Variants in RAET1G observed in about 807,000 individuals in gnomAD.
The protein encoded by RAET1G is retinoic acid early transcript 1G, also known as UL-16 binding protein 5.
In RAET1G, 25 loss-of-function variants were observed where a neutral mutation model predicts 29.5. The observed-to-expected ratio is 0.85, with a 90% CI of 0.62 to 1.18. The LOEUF (loss-of-function observed/expected upper bound fraction) is 1.18, where lower values mean the gene tolerates loss of function less well. RAET1G is among the 50% of genes most tolerant of loss of function. The pLI is 0.00. For synonymous variants in RAET1G, 167 were observed against 159.5 expected, an observed-to-expected ratio of 1.05 and a Z score of -0.36; for missense variants, 434 against 423.6, an observed-to-expected ratio of 1.02 and a Z score of -0.22.
intron 4 of RAET1G, 143 bp from the exon 5 acceptor site, chr6:149,917,217 C>A: frequency 8.1e-7 from 1 of 1,236,900 alleles, no homozygotes; most frequent in Non-Finnish European, 1.0e-6. Flanking sequence ...GGACCAGGAG[C>A]GTGACCCTGA....
chr6:149,918,938 A>G, intron 3 of RAET1G, 105 bp downstream of exon 3: 1 of 1,552,044 alleles, frequency 6.4e-7, no homozygotes, highest in African/African-American at 1.4e-5. Flanking sequence ...TCATTTTAAC[A>G]TAAACGTGTA....
At chr6:149,919,532 C>A in intron 2 of RAET1G, 21 bp downstream of exon 2, 3 of 1,614,020 alleles carry the variant, frequency 1.9e-6, no homozygotes, top group Non-Finnish European at 2.5e-6. Context: ...TCCCTGCTGT[C>A]CTGGGCCATC....
At chr6:149,922,123 A>G (rs1778611738) in intron 1 of RAET1G, among the ~76,000 whole-genome samples, 1 of 152,214 alleles carries the variant, frequency 6.6e-6, no homozygotes, top group Non-Finnish European at 1.5e-5. Flanking sequence ...CAAGGGCAGA[A>G]GTGGGTGCCT....
Position 149,918,266 on chromosome 6 carries a change from G to A in RAET1G, c.750C>T (p.Ser250=), listed in dbSNP as rs1318553562. The change falls in exon 4 of 5, where the codon AGC becomes AGT. Residue 250 remains serine (S), a synonymous_variant. Transcript: ENST00000367360. ...GCAGGGACTGAGGGTGGTGGCCATG[G>A]CTTTGGGTCAGACTGTGCCTGGAGC... ...LICSRHSLTQ[S]HGHHPQSLQP... 2 of 1,614,178 alleles carry A rather than the reference G, an allele frequency of 1.2e-6. No individual in the cohort carries two copies. The highest frequency in any genetic ancestry group is 2.2e-5 in the East Asian group (1 of 44,874).
intron 1 of RAET1G, among the ~76,000 whole-genome samples, chr6:149,921,321 G>C (rs929229833): frequency 6.6e-6 from 1 of 152,218 alleles, no homozygotes; most frequent in Non-Finnish European, 1.5e-5. Context: ...TGAATGTTCA[G>C]AGGCAAGGCA....
intron 3 of RAET1G, chr6:149,918,725 A>G (rs1408980150): frequency 5.0e-6 from 3 of 595,636 alleles, no homozygotes; most frequent in Non-Finnish European, 8.9e-6. Context: ...AGAGGAGGAA[A>G]GGAAAAGTGA....
At chr6:149,921,057 T>G (rs1778589442) in intron 1 of RAET1G, among the ~76,000 whole-genome samples, 1 of 152,250 alleles carries the variant, frequency 6.6e-6, no homozygotes, top group African/African-American at 2.4e-5. Context: ...CTTTGTGGGC[T>G]TCTCCAAACG....
rs1463436585 is a variant in RAET1G, at chr6:149,918,891, A to C, written c.631+152T>G. 1.9e-5 allele frequency: 23 copies of C among 1,238,422 alleles called. No homozygotes were observed. In the East Asian group the frequency reaches 5.2e-4, roughly 28 times the overall value. 76.7% of individuals were successfully genotyped at this position (1,238,422 alleles called of 1,614,324 possible). On this transcript the variant is annotated intron_variant, in intron 3 of 4. Coordinates refer to ENST00000367360, the MANE Select transcript of RAET1G (RefSeq NM_001001788.4). Reference sequence around the variant, plus strand: ...AAGAGGAGGGTGGGAGAGCACAGGCACGCCAGCACCCCCAGGAGGAGCACC... The same window carrying C: ...AAGAGGAGGGTGGGAGAGCACAGGCCCGCCAGCACCCCCAGGAGGAGCACC...
intron 1 of RAET1G, among the ~76,000 whole-genome samples, chr6:149,921,374 C>G (rs1268350595): frequency 6.6e-6 from 1 of 152,338 alleles, no homozygotes; most frequent in East Asian, 1.9e-4. Flanking sequence ...AAAAGTGTCT[C>G]CTGTAGAGTA....
intron 4 of RAET1G, 47 bp downstream of exon 4, chr6:149,918,127 T>C (rs770869150): frequency 1.9e-6 from 3 of 1,550,674 alleles, no homozygotes; most frequent in Non-Finnish European, 2.7e-6. Context: ...CTGTCCTCCC[T>C]CCTCACCCAC....
At chr6:149,920,249 A>G (rs116353107) in intron 1 of RAET1G, among the ~76,000 whole-genome samples, 49 of 152,306 alleles carry the variant, frequency 3.2e-4, no homozygotes, top group African/African-American at 1.0e-3. Context: ...ACCCAGTTGG[A>G]TAAAGAAGAG....
At position 149,921,960 on chromosome 6, in the gene RAET1G, G is replaced by T. The variant is rs140246349; in HGVS notation, c.85+966C>A. Among the ~76,000 whole-genome samples, 1,254 of 152,276 alleles carry T rather than the reference G, an allele frequency of 8.2e-3. 28 individuals carry two copies. Among genetic ancestry groups the T allele is most frequent in the African/African-American group, 0.029 (1,213 of 41,546 alleles). On this transcript the variant is annotated intron_variant, in intron 1 of 4. Transcript: ENST00000367360. ...CCTGCTGTTGCTCTGCAAAGGGACA[G>T]GACTGGACACTGAGACGGAGAACCC...
rs753136997 is a variant in RAET1G, at chr6:149,917,082, G to GGA, written c.843-10_843-9dup. The GGA allele has an allele frequency of 2.6e-6, 4 of 1,541,070 alleles. No individual in the cohort carries two copies. The Admixed American group carries it at 6.1e-5, about 24-fold the overall frequency. Reference sequence around the variant, plus strand: ...CGCTTCGCTATTTGGTAGCTGAGGCGGAGAGAGAGAGGACAGCTTACGTCA... The same window carrying GGA: ...CGCTTCGCTATTTGGTAGCTGAGGCGGAGAGAGAGAGAGGACAGCTTACGTCA... On this transcript the variant is annotated splice_polypyrimidine_tract_variant and intron_variant, in intron 4 of 4. Coordinates refer to ENST00000367360, the MANE Select transcript of RAET1G (RefSeq NM_001001788.4).
At chr6:149,919,521 C>T (rs186542318) in intron 2 of RAET1G, 32 bp downstream of exon 2, 79 of 1,614,000 alleles carry the variant, frequency 4.9e-5, no homozygotes, top group African/African-American at 3.7e-4. Context: ...ACTGTATCTG[C>T]TCCCTGCTGT....
At chr6:149,918,098 C>A (rs1778490510) in intron 4 of RAET1G, 76 bp downstream of exon 4, 1 of 1,303,110 alleles carries the variant, frequency 7.7e-7, no homozygotes, top group Non-Finnish European at 1.1e-6. Flanking sequence ...GGGAGTGGGA[C>A]TCTGGGAATT....
intron 1 of RAET1G, among the ~76,000 whole-genome samples, chr6:149,922,016 C>T (rs1176726160): frequency 6.6e-6 from 1 of 152,186 alleles, no homozygotes; most frequent in African/African-American, 2.4e-5. Context: ...GGCATCCTTC[C>T]TCCCTTTCTA....
intron 2 of RAET1G, 78 bp downstream of exon 2, chr6:149,919,475 T>C (rs771313034): frequency 4.6e-5 from 75 of 1,613,138 alleles, no homozygotes; most frequent in Non-Finnish European, 6.2e-5. Context: ...CCTATTTGTA[T>C]TTTTACATGA....
chr6:149,917,219 T>C, intron 4 of RAET1G, 145 bp from the exon 5 acceptor site: 1 of 1,236,262 alleles, frequency 8.1e-7, no homozygotes, highest in Non-Finnish European at 1.0e-6. Flanking sequence ...ACCAGGAGCG[T>C]GACCCTGAAG....
chr6:149,917,056 G>A lies in RAET1G; in HGVS notation c.861C>T (p.Arg287=). 1 of 1,548,384 alleles carries A rather than the reference G, an allele frequency of 6.5e-7. No individual in the cohort carries two copies. The highest frequency in any genetic ancestry group is 8.7e-7 in the Non-Finnish European group (1 of 1,145,642). The change falls in exon 5 of 5, where the codon CGC becomes CGT. Residue 287 remains arginine, a synonymous_variant. Transcript: ENST00000367360. ...GAGTCACGTGTCCACCAGACAAGGG[G>A]CGCTTCGCTATTTGGTAGCTGAGGC... ...LWSDSYQIAK[R]PLSGGHVTRV... is the part of the protein sequence containing the mutation.
Sources: allele counts gnomAD v4.1 joint callset (sites outside exome capture counted in the v4.1 genomes callset), GRCh38; gene constraint gnomAD v4.1.1; transcripts MANE v1.5; gene names NCBI Gene and HGNC (gene_info 2026-07-23, HGNC 2026-07-21).